Variants in HPSE2 observed in about 807,000 individuals in gnomAD.
HPSE2 encodes heparanase 2 (inactive), also known as inactive heparanase-2.
HPSE2 carries 38 observed loss-of-function variants against 60.5 expected under a neutral mutation model. The observed-to-expected ratio is 0.63, with a 90% CI of 0.48 to 0.82. HPSE2 has a LOEUF of 0.82. HPSE2 is among the 40% of genes least tolerant of loss of function. HPSE2 has a pLI of 0.00. For missense variants in HPSE2, 713 were observed against 740.4 expected (o/e 0.96, Z 0.43); for synonymous variants, 295 against 293.2 (o/e 1.01, Z -0.06).
chr10:98,767,117 T>C (rs1052904044), intron 3 of HPSE2, among the ~76,000 whole-genome samples: 15 of 152,190 alleles, frequency 9.9e-5, no homozygotes, highest in Admixed American at 7.2e-4. Context: ...AAATGGCATC[T>C]ACAAAATGTT....
At chr10:98,611,060 G>A (rs1945742347) in intron 9 of HPSE2, among the ~76,000 whole-genome samples, 1 of 151,870 alleles carries the variant, frequency 6.6e-6, no homozygotes. Flanking sequence ...GACCAGCTGT[G>A]GAGACTCACA....
At chr10:98,711,494 CCA>C (rs1249021795) in intron 5 of HPSE2, among the ~76,000 whole-genome samples, 5 of 152,090 alleles carry the variant, frequency 3.3e-5, no homozygotes, top group Middle Eastern at 3.4e-3. Context: ...AGCATGGGCC[CCA>C]GAGTCAGACA....
At chr10:99,079,127 A>G (rs1051963100) in intron 3 of HPSE2, among the ~76,000 whole-genome samples, 3 of 152,136 alleles carry the variant, frequency 2.0e-5, no homozygotes, top group Non-Finnish European at 2.9e-5. Flanking sequence ...TTCAAACCAC[A>G]GTCTTTGTCT....
chr10:99,194,731 G>C (rs558129244), intron 2 of HPSE2, among the ~76,000 whole-genome samples: 29 of 151,966 alleles, frequency 1.9e-4, no homozygotes, highest in African/African-American at 6.7e-4. Context: ...AATAAGTAAT[G>C]AGATCAAATG....
At chr10:99,119,729 C>T (rs892683466) in intron 3 of HPSE2, among the ~76,000 whole-genome samples, 38 of 152,124 alleles carry the variant, frequency 2.5e-4, no homozygotes, top group African/African-American at 8.0e-4. Context: ...AACATCATGG[C>T]ACTGGTACAA....
At chr10:99,160,415 C>T (rs1846780813) in intron 2 of HPSE2, among the ~76,000 whole-genome samples, 1 of 152,010 alleles carries the variant, frequency 6.6e-6, no homozygotes, top group African/African-American at 2.4e-5. Context: ...CCCAGAAAAC[C>T]GACAATACCA....
intron 4 of HPSE2, among the ~76,000 whole-genome samples, chr10:98,740,502 C>T (rs1198603103): frequency 6.6e-6 from 1 of 152,110 alleles, no homozygotes; most frequent in Non-Finnish European, 1.5e-5. Context: ...TATTCTTTAA[C>T]ATCCTAACCT....
At chr10:98,894,903 A>G (rs1389716721) in intron 3 of HPSE2, among the ~76,000 whole-genome samples, 1 of 152,098 alleles carries the variant, frequency 6.6e-6, no homozygotes, top group Non-Finnish European at 1.5e-5. Flanking sequence ...ATACACAGGA[A>G]GAGTTACATT....
intron 3 of HPSE2, among the ~76,000 whole-genome samples, chr10:98,797,815 G>A (rs2484935): frequency 0.064 from 9,744 of 152,030 alleles, 1,010 homozygotes; most frequent in African/African-American, 0.22. Flanking sequence ...CTGTACTCCA[G>A]CCTGGGCGAC....
At chr10:98,501,178 T>C (rs1942018343) in intron 9 of HPSE2, among the ~76,000 whole-genome samples, 1 of 151,794 alleles carries the variant, frequency 6.6e-6, no homozygotes, top group African/African-American at 2.4e-5. Context: ...GAAGGAACCC[T>C]CCCTAATTCA....
rs974724992 is a variant in HPSE2, at chr10:98,973,033, C to T, written c.610+171205G>A. ...TTAGTAACACTATTATGTTGAACTG[C>T]TTGTATATTCTTCTAGATTGCACTA... On this transcript the variant is annotated intron_variant, in intron 3 of 11. Transcript: ENST00000370552. Among the ~76,000 whole-genome samples, 3 of 152,166 alleles carry T rather than the reference C, an allele frequency of 2.0e-5. No individual in the cohort carries two copies. In the South Asian group the frequency reaches 6.2e-4, roughly 32 times the overall value.
chr10:98,626,861 C>G (rs1007962390), intron 7 of HPSE2, among the ~76,000 whole-genome samples: 18 of 152,246 alleles, frequency 1.2e-4, no homozygotes, highest in African/African-American at 3.4e-4. Context: ...GCAAGCTCCC[C>G]CTCCTGGGTT....
chr10:99,008,046 C>T (rs1364863162), intron 3 of HPSE2, among the ~76,000 whole-genome samples: 19 of 152,214 alleles, frequency 1.2e-4, no homozygotes, highest in Admixed American at 1.2e-3. Flanking sequence ...AGTATGACTT[C>T]TTGCTTTCTT....
intron 6 of HPSE2, among the ~76,000 whole-genome samples, chr10:98,654,836 G>A (rs1328351068): frequency 2.6e-5 from 4 of 152,134 alleles, no homozygotes; most frequent in African/African-American, 7.2e-5. Context: ...GACCTTTGGC[G>A]TGAGGTTTTG....
intron 3 of HPSE2, among the ~76,000 whole-genome samples, chr10:99,132,191 A>AAGAAAGAAAG (rs1845434293): frequency 1.4e-5 from 1 of 71,898 alleles, no homozygotes. Context: ...GAAAGAAAGA[A>AAGAAAGAAAG]AGAGAGAGAG....
chr10:98,677,552 C>T (rs1237007818), intron 6 of HPSE2, among the ~76,000 whole-genome samples: 1 of 152,140 alleles, frequency 6.6e-6, no homozygotes, highest in Non-Finnish European at 1.5e-5. Context: ...CTTATTTAGT[C>T]TTCATGATAG....
intron 3 of HPSE2, among the ~76,000 whole-genome samples, chr10:99,072,025 GT>G (rs34940128): frequency 0.016 from 2,388 of 145,700 alleles, 21 homozygotes; most frequent in Non-Finnish European, 0.017. Context: ...AACTTTGTTT[GT>G]TTTTTTTTTT....
At chr10:98,888,885 T>A (rs7908265) in intron 3 of HPSE2, among the ~76,000 whole-genome samples, 1 of 152,094 alleles carries the variant, frequency 6.6e-6, no homozygotes, top group Non-Finnish European at 1.5e-5. Context: ...AATTTAGTCC[T>A]ACATTCTCAT....
intron 3 of HPSE2, among the ~76,000 whole-genome samples, chr10:98,991,850 T>C (rs1956532571): frequency 6.6e-6 from 1 of 152,168 alleles, no homozygotes; most frequent in African/African-American, 2.4e-5. Flanking sequence ...AGCAAAGTCA[T>C]GCTCCACCAA....
Sources: allele counts gnomAD v4.1 joint callset (sites outside exome capture counted in the v4.1 genomes callset), GRCh38; gene constraint gnomAD v4.1.1; transcripts MANE v1.5; gene names NCBI Gene and HGNC (gene_info 2026-07-23, HGNC 2026-07-21).